PRKD1: variants seen among roughly 807,000 people sequenced by gnomAD.
PRKD1 encodes the protein protein kinase D1, also known as serine/threonine-protein kinase D1.
A neutral mutation model predicts 95.9 loss-of-function variants in PRKD1; 63 were observed. The ratio of observed to expected loss-of-function variants is 0.66; its 90% CI spans 0.54 to 0.81. The LOEUF (loss-of-function observed/expected upper bound fraction) is 0.81, where lower values mean the gene tolerates loss of function less well. Ranked by LOEUF, PRKD1 falls within the 30% of genes least tolerant of loss-of-function variation. PRKD1 has a pLI of 0.00. For missense variants in PRKD1, 1,048 were observed against 1,165.3 expected, an observed-to-expected ratio of 0.90 and a Z score of 1.47; for synonymous variants, 425 against 423.1, an observed-to-expected ratio of 1.00 and a Z score of -0.05.
chr14:29,780,637 C>T (rs916679654), intron 1 of PRKD1, among the ~76,000 whole-genome samples: 1 of 152,144 alleles, frequency 6.6e-6, no homozygotes, highest in African/African-American at 2.4e-5. Flanking sequence ...AGTTAGGAAA[C>T]AACAGGTGTT....
At chr14:29,902,499 G>C (rs1894351743) in intron 1 of PRKD1, among the ~76,000 whole-genome samples, 1 of 152,092 alleles carries the variant, frequency 6.6e-6, no homozygotes, top group African/African-American at 2.4e-5. Context: ...AGGTATTTTT[G>C]AGGATGCATC....
chr14:29,811,605 C>T (rs912129203), intron 1 of PRKD1, among the ~76,000 whole-genome samples: 1 of 152,224 alleles, frequency 6.6e-6, no homozygotes, highest in African/African-American at 2.4e-5. Flanking sequence ...GCGTCAGACC[C>T]TGACCCTCTC....
intron 16 of PRKD1, among the ~76,000 whole-genome samples, 183 bp from the exon 17 acceptor site, chr14:29,578,543 T>TAAAAA (rs992449669): frequency 2.4e-3 from 103 of 42,700 alleles, no homozygotes; most frequent in African/African-American, 6.5e-3. Flanking sequence ...TTTTGGATAC[T>TAAAAA]AAAAAAAAAA....
chr14:29,770,538 T>C (rs1340969441), intron 1 of PRKD1, among the ~76,000 whole-genome samples: 1 of 151,192 alleles, frequency 6.6e-6, no homozygotes, highest in Non-Finnish European at 1.5e-5. Context: ...AAGTGAAGAG[T>C]GTGGTATTGG....
intron 16 of PRKD1, among the ~76,000 whole-genome samples, chr14:29,589,054 C>T (rs1041497048): frequency 6.6e-6 from 1 of 151,894 alleles, no homozygotes; most frequent in African/African-American, 2.4e-5. Flanking sequence ...TGATTACTGC[C>T]TGTTTGCCTC....
chr14:29,836,462 C>T (rs1891615317), intron 1 of PRKD1, among the ~76,000 whole-genome samples: 1 of 152,050 alleles, frequency 6.6e-6, no homozygotes, highest in Non-Finnish European at 1.5e-5. Context: ...GTGGGGTGCT[C>T]CTGAAGAATG....
chr14:29,649,818 T>C (rs1014154558), intron 4 of PRKD1, among the ~76,000 whole-genome samples: 2 of 152,160 alleles, frequency 1.3e-5, no homozygotes, highest in Admixed American at 6.5e-5. Flanking sequence ...GTTTTGACGA[T>C]TTTCCTCCCA....
At chr14:29,919,317 C>T (rs966203263) in intron 1 of PRKD1, among the ~76,000 whole-genome samples, 16 of 152,070 alleles carry the variant, frequency 1.1e-4, no homozygotes, top group African/African-American at 2.9e-4. Flanking sequence ...TTTAGACAGC[C>T]GAAATTTGTC....
intron 1 of PRKD1, among the ~76,000 whole-genome samples, chr14:29,790,175 C>G (rs1463881312): frequency 6.6e-6 from 1 of 151,390 alleles, no homozygotes; most frequent in African/African-American, 2.4e-5. Flanking sequence ...CCACGCCCAG[C>G]TAATTTTTGT....
At chr14:29,769,960 A>C (rs908701799) in intron 1 of PRKD1, among the ~76,000 whole-genome samples, 39 of 152,206 alleles carry the variant, frequency 2.6e-4, no homozygotes, top group African/African-American at 9.2e-4. Flanking sequence ...AAGAAGTGGA[A>C]CCTTGAGGAG....
intron 1 of PRKD1, among the ~76,000 whole-genome samples, chr14:29,833,392 C>G (rs1460928428): frequency 6.6e-6 from 1 of 152,066 alleles, no homozygotes; most frequent in Non-Finnish European, 1.5e-5. Context: ...TTAAAGTACA[C>G]ACATACAGTC....
intron 1 of PRKD1, among the ~76,000 whole-genome samples, chr14:29,760,575 G>T (rs993657485): frequency 6.6e-6 from 1 of 151,848 alleles, no homozygotes; most frequent in African/African-American, 2.4e-5. Context: ...GCCTGGTCTC[G>T]AACTCTTGAC....
At chr14:29,840,989 G>A (rs1442012314) in intron 1 of PRKD1, among the ~76,000 whole-genome samples, 1 of 152,208 alleles carries the variant, frequency 6.6e-6, no homozygotes, top group Non-Finnish European at 1.5e-5. Context: ...ACCTGGATGT[G>A]AGACATGGAG....
rs1327740728 is a variant in PRKD1, at chr14:29,745,747, A to AGG, written c.265-20074_265-20073insCC. On this transcript the variant is annotated intron_variant, in intron 1 of 17. Transcript: ENST00000331968. ...TGCCTCGGCCTCCCAAAGCACTTGG[A>AGG]TTACAGGTGTGAGCCACCTGCACCC... Among the ~76,000 whole-genome samples, 530 of 152,220 alleles carry AGG rather than the reference A, an allele frequency of 3.5e-3. 2 individuals carry two copies. Among genetic ancestry groups the AGG allele is most frequent in the African/African-American group, 0.012 (511 of 41,542 alleles).
At chr14:29,597,330 T>C (rs962954849) in intron 16 of PRKD1, among the ~76,000 whole-genome samples, 161 bp downstream of exon 16, 1 of 152,226 alleles carries the variant, frequency 6.6e-6, no homozygotes, top group African/African-American at 2.4e-5. Context: ...GTTATGTGTA[T>C]GTGTCCCACC....
intron 2 of PRKD1, among the ~76,000 whole-genome samples, chr14:29,673,057 G>A (rs116713789): frequency 6.6e-6 from 1 of 152,250 alleles, no homozygotes; most frequent in African/African-American, 2.4e-5. Context: ...TTCTTTTCCA[G>A]GCAGCTGAGC....
chr14:29,767,240 A>T (rs1888297347), intron 1 of PRKD1, among the ~76,000 whole-genome samples: 1 of 152,138 alleles, frequency 6.6e-6, no homozygotes, highest in African/African-American at 2.4e-5. Flanking sequence ...TAGAACTACA[A>T]TTCTGAGAGT....
At chr14:29,623,938 C>T (rs928652000) in intron 13 of PRKD1, among the ~76,000 whole-genome samples, 3 of 152,048 alleles carry the variant, frequency 2.0e-5, no homozygotes, top group African/African-American at 7.2e-5. Context: ...TATATTAAAA[C>T]CTACAATTAA....
intron 13 of PRKD1, among the ~76,000 whole-genome samples, chr14:29,601,138 A>G (rs1188864193): frequency 6.6e-6 from 1 of 152,328 alleles, no homozygotes; most frequent in South Asian, 2.1e-4. Context: ...CTCACTGCTC[A>G]GAAACCTCAC....
Sources: gnomAD v4.1 joint callset for allele counts (sites outside exome capture counted in the v4.1 genomes callset) on GRCh38, gnomAD v4.1.1 for gene constraint, MANE v1.5 for transcripts, NCBI Gene and HGNC (gene_info 2026-07-23, HGNC 2026-07-21) for gene names.